The following INSL6 variants were observed in gnomAD, a reference collection of about 807,000 sequenced individuals.
INSL6 encodes insulin like 6, also known as insulin-like peptide INSL6.
INSL6 carries 16 observed loss-of-function variants against 9.4 expected under a neutral mutation model. The observed-to-expected ratio is 1.70, with a 90% CI of 1.15 to 2.59. The LOEUF (loss-of-function observed/expected upper bound fraction) is 2.59. Ranked by LOEUF, INSL6 falls within the 30% of genes most tolerant of loss-of-function variation. INSL6 has a pLI of 0.00. For missense variants in INSL6, 391 were observed against 257.3 expected, an observed-to-expected ratio of 1.52 and a Z score of -3.56; for synonymous variants, 154 against 96.9, an observed-to-expected ratio of 1.59 and a Z score of -3.46.
At chr9:5,101,236 G>C in the INSL6 span, among the ~76,000 whole-genome samples, 3 of 152,346 alleles carry the variant, frequency 2.0e-5, no homozygotes, top group Middle Eastern at 3.4e-3. Flanking sequence ...TATATCCCAT[G>C]TCTGGCTTGG....
chr9:5,033,803 C>T, the INSL6 span, among the ~76,000 whole-genome samples: 2 of 152,158 alleles, frequency 1.3e-5, no homozygotes, highest in African/African-American at 4.8e-5. Context: ...ATTGTAAAGA[C>T]CATCGAGGCT....
chr9:5,182,161 T>C (rs148506455), intron 1 of INSL6, among the ~76,000 whole-genome samples: 21 of 152,174 alleles, frequency 1.4e-4, no homozygotes, highest in African/African-American at 4.1e-4. Flanking sequence ...CAAGGCTACA[T>C]AGGTTAGGTG....
At chr9:5,011,255 G>A in the INSL6 span, among the ~76,000 whole-genome samples, 71 of 152,144 alleles carry the variant, frequency 4.7e-4, no homozygotes, top group African/African-American at 1.4e-3. Context: ...GTGTGATCAC[G>A]GCTTTCTGCA....
intron 3 of INSL6, chr9:5,126,242 C>T: frequency 1.2e-6 from 1 of 819,022 alleles, no homozygotes; most frequent in South Asian, 1.7e-5. Flanking sequence ...CACACATATA[C>T]TAAATTTTTT....
At chr9:5,175,017 G>A (rs564858744) in intron 1 of INSL6, among the ~76,000 whole-genome samples, 8 of 151,274 alleles carry the variant, frequency 5.3e-5, no homozygotes, top group Admixed American at 5.3e-4. Context: ...TCGGCTCACT[G>A]CAAGCTCTGC....
the INSL6 span, among the ~76,000 whole-genome samples, chr9:4,999,014 A>T: frequency 5.3e-5 from 8 of 151,088 alleles, no homozygotes; most frequent in Non-Finnish European, 8.9e-5. Flanking sequence ...TTCAGTAGAG[A>T]CGGGGTTTCA....
In INSL6 at chr9:5,185,618, C is replaced by T. The variant is rs748151530; in HGVS notation, c.-16G>A. 9.3e-6 allele frequency: 15 copies of T among 1,605,504 alleles called. No homozygotes were observed. The highest frequency in any genetic ancestry group is 3.9e-4 in the Middle Eastern group (2 of 5,142). On this transcript the variant is annotated 5_prime_UTR_variant, in exon 1 of 2. Transcript: ENST00000381641. ...GCCGCGGCATCCCTGTGACCCCAGG[C>T]TAGTCCTCCGCGTTGTGCAATGGCG...
At chr9:5,062,192 T>C in the INSL6 span, among the ~76,000 whole-genome samples, 54 of 152,048 alleles carry the variant, frequency 3.6e-4, no homozygotes, top group Admixed American at 3.5e-3. Flanking sequence ...AACCTGCATA[T>C]GTGTAGGGCT....
chr9:5,002,542 A>G, the INSL6 span, among the ~76,000 whole-genome samples: 1 of 151,928 alleles, frequency 6.6e-6, no homozygotes, highest in African/African-American at 2.4e-5. Context: ...TGGTTTATGG[A>G]CCAACCTATG....
the INSL6 span, chr9:5,072,724 G>T: frequency 2.2e-6 from 2 of 927,826 alleles, no homozygotes; most frequent in Middle Eastern, 3.8e-4. Flanking sequence ...TTTCAAAATT[G>T]TAATTTTTAA....
intron 2 of INSL6, among the ~76,000 whole-genome samples, chr9:5,150,844 G>GAC (rs1351844947): frequency 4.9e-4 from 59 of 119,952 alleles, no homozygotes; most frequent in African/African-American, 2.4e-3. Context: ...CTGGATAAAG[G>GAC]AGACACACAC....
chr9:5,135,209 G>C (rs1192628281), intron 2 of INSL6, among the ~76,000 whole-genome samples: 1 of 152,056 alleles, frequency 6.6e-6, no homozygotes, highest in Non-Finnish European at 1.5e-5. Flanking sequence ...CGTACAAAGA[G>C]ACTTACACTC....
chr9:5,034,741 G>C, the INSL6 span, among the ~76,000 whole-genome samples: 1 of 152,096 alleles, frequency 6.6e-6, no homozygotes, highest in Admixed American at 6.5e-5. Context: ...TCAAAGCAGT[G>C]TGTAGAGGGA....
At chr9:5,059,239 C>A in the INSL6 span, among the ~76,000 whole-genome samples, 1 of 152,152 alleles carries the variant, frequency 6.6e-6, no homozygotes. Context: ...TTCACCTCCA[C>A]CCCTAACTTA....
At chr9:5,053,225 CT>C in the INSL6 span, among the ~76,000 whole-genome samples, 5 of 152,058 alleles carry the variant, frequency 3.3e-5, no homozygotes. Flanking sequence ...CTAATGACTA[CT>C]GATGTTTGGC....
At chr9:5,147,869 A>G (rs1186244316) in intron 2 of INSL6, among the ~76,000 whole-genome samples, 1 of 152,180 alleles carries the variant, frequency 6.6e-6, no homozygotes, top group Admixed American at 6.5e-5. Flanking sequence ...AAATTCCTGT[A>G]GTGAACTTTT....
At chr9:5,054,326 C>G in the INSL6 span, among the ~76,000 whole-genome samples, 4 of 152,098 alleles carry the variant, frequency 2.6e-5, no homozygotes, top group Non-Finnish European at 5.9e-5. This position sits in a 1 kb window ranked among gnomAD's most constrained non-coding sequence, Gnocchi z 4.9. Flanking sequence ...AGATTAACAT[C>G]TTCTTTTGTA....
intron 1 of INSL6, among the ~76,000 whole-genome samples, chr9:5,166,484 T>C (rs1203384435): frequency 6.6e-6 from 1 of 151,820 alleles, no homozygotes; most frequent in Non-Finnish European, 1.5e-5. Flanking sequence ...ATGAACAAAA[T>C]ACAGCAGAAA....
At chr9:5,080,073 G>C in the INSL6 span, among the ~76,000 whole-genome samples, 2 of 152,146 alleles carry the variant, frequency 1.3e-5, no homozygotes, top group African/African-American at 4.8e-5. Flanking sequence ...TGGTTCTTAA[G>C]CTTATGCAGT....
Sources: gnomAD v4.1 joint callset for allele counts (sites outside exome capture counted in the v4.1 genomes callset) on GRCh38, gnomAD v4.1.1 for gene constraint, Gnocchi (gnomAD v3.1) non-coding constraint, MANE v1.5 for transcripts, NCBI Gene and HGNC (gene_info 2026-07-23, HGNC 2026-07-21) for gene names.